Variants in FRS2 observed in about 807,000 individuals in gnomAD.
FRS2 encodes the protein fibroblast growth factor receptor substrate 2.
Under a neutral mutation model 43.9 loss-of-function variants are expected in FRS2, and 8 were observed. The observed-to-expected ratio is 0.18, with a 90% CI of 0.11 to 0.33. The LOEUF is 0.33. Ranked by LOEUF, FRS2 falls within the 10% of genes least tolerant of loss-of-function variation. The pLI is 1.00. For synonymous variants in FRS2, 219 were observed against 220.3 expected, an observed-to-expected ratio of 0.99 and a Z score of 0.05; for missense variants, 534 against 627.6, an observed-to-expected ratio of 0.85 and a Z score of 1.59.
At chr12:69,497,747 A>C (rs1029718452) in intron 1 of FRS2, among the ~76,000 whole-genome samples, 2 of 152,216 alleles carry the variant, frequency 1.3e-5, no homozygotes, top group African/African-American at 4.8e-5. Context: ...CAAGTGTAAA[A>C]GCTCTAGCTG....
chr12:69,491,124 C>T (rs1396693471), intron 1 of FRS2, among the ~76,000 whole-genome samples: 1 of 152,300 alleles, frequency 6.6e-6, no homozygotes, highest in East Asian at 1.9e-4. Flanking sequence ...GACAGGGTCT[C>T]TTGCTCTGTC....
chr12:69,471,782 A>G (rs774967903), intron 1 of FRS2, among the ~76,000 whole-genome samples: 2 of 152,224 alleles, frequency 1.3e-5, no homozygotes, highest in African/African-American at 2.4e-5. Context: ...AGTATTCACA[A>G]ATCACCTTCT....
chr12:69,493,311 T>C (rs1314383240), intron 1 of FRS2, among the ~76,000 whole-genome samples: 1 of 152,192 alleles, frequency 6.6e-6, no homozygotes, highest in Non-Finnish European at 1.5e-5. Context: ...TCTCAGACGA[T>C]TTATGGATTG....
At chr12:69,491,189 G>C (rs1277438281) in intron 1 of FRS2, among the ~76,000 whole-genome samples, 2 of 152,086 alleles carry the variant, frequency 1.3e-5, no homozygotes, top group African/African-American at 4.8e-5. Context: ...TTGACCTCCT[G>C]GCCTCAAGCG....
chr12:69,525,508 T>A (rs1592989793), intron 1 of FRS2, among the ~76,000 whole-genome samples: 1 of 152,340 alleles, frequency 6.6e-6, no homozygotes, highest in Non-Finnish European at 1.5e-5. Flanking sequence ...GACCTTCCCA[T>A]TATCTTTATA....
intron 1 of FRS2, among the ~76,000 whole-genome samples, chr12:69,530,355 C>A (rs1876670719): frequency 6.6e-6 from 1 of 151,086 alleles, no homozygotes; most frequent in Admixed American, 6.6e-5. Flanking sequence ...CTGAAGAGTT[C>A]TGGTCCCGTG....
chr12:69,541,084 A>G (rs1223344200), intron 3 of FRS2, among the ~76,000 whole-genome samples: 1 of 152,212 alleles, frequency 6.6e-6, no homozygotes, highest in African/African-American at 2.4e-5. Context: ...AAAAAACCAC[A>G]AAACTGAGTC....
intron 3 of FRS2, among the ~76,000 whole-genome samples, chr12:69,532,372 CTTTT>C (rs1876885715): frequency 1.3e-5 from 2 of 152,112 alleles, no homozygotes; most frequent in African/African-American, 4.8e-5. Flanking sequence ...GCTCATTTAT[CTTTT>C]ACTCAGTGGA....
At chr12:69,543,752 G>T (rs896541779) in intron 3 of FRS2, among the ~76,000 whole-genome samples, 3 of 152,148 alleles carry the variant, frequency 2.0e-5, no homozygotes, top group Admixed American at 6.5e-5. Context: ...AAGAACAGTA[G>T]TTGCAAAGGA....
chr12:69,554,391 G>A (rs145121213), intron 3 of FRS2, among the ~76,000 whole-genome samples: 1 of 152,232 alleles, frequency 6.6e-6, no homozygotes, highest in African/African-American at 2.4e-5. Context: ...AAAAATAGGT[G>A]TAAAACATTA....
At chr12:69,532,648 A>G (rs1440778508) in intron 3 of FRS2, among the ~76,000 whole-genome samples, 2 of 152,206 alleles carry the variant, frequency 1.3e-5, no homozygotes, top group Non-Finnish European at 2.9e-5. Flanking sequence ...CACATTGGCC[A>G]TTAAATTTCA....
In FRS2 at chr12:69,574,643, C is replaced by A. The variant is rs977611851; in HGVS notation, c.1215C>A (p.His405Gln). The stretch of plus-strand genomic sequence containing the variant: ...ATGTAACAGTGCCAGCAAGTGCTCA[C>A]AAAATAGAATATTCAAGGCGTCGGG... ...TENVTVPASAHKIEYSRRRDC... is the reference protein window; with the variant it reads ...TENVTVPASAQKIEYSRRRDC... The change falls in exon 9 of 9, where the codon CAC becomes CAA. Residue 405 changes from histidine to glutamine, a missense_variant. Coordinates refer to ENST00000549921, the MANE Select transcript of FRS2 (RefSeq NM_001278356.2). The A allele has an allele frequency of 3.1e-6, 5 of 1,614,128 alleles. No homozygotes were observed. Among genetic ancestry groups the A allele is most frequent in the Non-Finnish European group, 3.4e-6 (4 of 1,180,012 alleles).
At chr12:69,563,270 G>C (rs1223073374) in intron 4 of FRS2, among the ~76,000 whole-genome samples, 1 of 152,138 alleles carries the variant, frequency 6.6e-6, no homozygotes, top group Non-Finnish European at 1.5e-5. Flanking sequence ...TTAGGAGAAA[G>C]AATCAGATAT....
At chr12:69,485,607 T>G (rs1871861294) in intron 1 of FRS2, among the ~76,000 whole-genome samples, 1 of 152,092 alleles carries the variant, frequency 6.6e-6, no homozygotes. Context: ...CTCAGCCTCC[T>G]GAGTAGCTGG....
chr12:69,489,884 T>G (rs1872310722), intron 1 of FRS2, among the ~76,000 whole-genome samples: 1 of 151,546 alleles, frequency 6.6e-6, no homozygotes. Flanking sequence ...AATATACTGA[T>G]TGTTTGATAT....
rs537783870 is a variant in FRS2, at chr12:69,498,373, T to A, written c.-261+27843T>A. Among the ~76,000 whole-genome samples, 6 of 152,246 alleles carry A rather than the reference T, an allele frequency of 3.9e-5. No homozygotes were observed. In the East Asian group the frequency reaches 1.2e-3, roughly 29 times the overall value. ...CAGAGAATTTCAAAGTCTACAAGTT[T>A]TGAGATGAGTTGAGTATTAATTCAC... On this transcript the variant is annotated intron_variant, in intron 1 of 8. Transcript: ENST00000549921.
At chr12:69,567,639 A>G (rs977985621) in intron 4 of FRS2, among the ~76,000 whole-genome samples, 1 of 152,226 alleles carries the variant, frequency 6.6e-6, no homozygotes, top group African/African-American at 2.4e-5. Context: ...CATATGCATG[A>G]CGGTCATACA....
At position 69,574,411 on chromosome 12, in the gene FRS2, C is replaced by G; in HGVS notation, c.983C>G (p.Thr328Ser). 6.2e-7 allele frequency: 1 copy of G among 1,613,818 alleles called. No individual in the cohort carries two copies. The highest frequency in any genetic ancestry group is 8.5e-7 in the Non-Finnish European group (1 of 1,179,746). Residue 328 changes from threonine (T) to serine (S), a missense_variant, in exon 9 of 9, where the codon ACC (threonine) becomes AGC (serine). Transcript: ENST00000549921. Reference protein sequence around the residue: ...SGVRRGRLTSTSTSDTQNINN... With the variant: ...SGVRRGRLTSSSTSDTQNINN... ...GTCAGGAGAGGTCGTCTGACATCCA[C>G]CAGTACCTCAGATACCCAGAATATC...
At chr12:69,562,403 A>T (rs61759363) in intron 4 of FRS2, 129 bp downstream of exon 4, 38 of 386,882 alleles carry the variant, frequency 9.8e-5, no homozygotes, top group African/African-American at 7.2e-4. Flanking sequence ...AGCTCAAGCG[A>T]TTCTCCACCT....
Sources: allele counts gnomAD v4.1 joint callset (sites outside exome capture counted in the v4.1 genomes callset), GRCh38; gene constraint gnomAD v4.1.1; transcripts MANE v1.5; gene names NCBI Gene and HGNC (gene_info 2026-07-23, HGNC 2026-07-21).